The following PRKCH variants were observed in gnomAD, a reference collection of about 807,000 sequenced individuals.
PRKCH encodes the protein protein kinase C eta type.
PRKCH carries 28 observed loss-of-function variants against 82.5 expected under a neutral mutation model. The observed-to-expected ratio is 0.34, with a 90% CI of 0.25 to 0.47. The LOEUF (loss-of-function observed/expected upper bound fraction) is 0.47, where lower values mean the gene tolerates loss of function less well. Ranked by LOEUF, PRKCH falls within the 20% of genes least tolerant of loss-of-function variation. The pLI, the probability that PRKCH is intolerant of heterozygous loss-of-function variation, is 1.00. For synonymous variants in PRKCH, 322 were observed against 327.4 expected, an observed-to-expected ratio of 0.98 and a Z score of 0.18; for missense variants, 705 against 881.8, an observed-to-expected ratio of 0.80 and a Z score of 2.54.
At chr14:61,547,394 C>G (rs574340151) in intron 12 of PRKCH, among the ~76,000 whole-genome samples, 31 of 152,190 alleles carry the variant, frequency 2.0e-4, no homozygotes, top group African/African-American at 7.2e-4. Flanking sequence ...TGTCTGCTGC[C>G]CACAACTGCA....
intron 2 of PRKCH, among the ~76,000 whole-genome samples, chr14:61,435,454 G>T (rs1883631178): frequency 6.6e-6 from 1 of 152,236 alleles, no homozygotes; most frequent in African/African-American, 2.4e-5. Context: ...AGGCCGAGAA[G>T]AGGGTTCAGC....
chr14:61,245,892 T>A (rs2044875537), intron 1 of PRKCH, among the ~76,000 whole-genome samples: 1 of 152,224 alleles, frequency 6.6e-6, no homozygotes, highest in African/African-American at 2.4e-5. Context: ...AGTGAGCAGA[T>A]CTGGGAGGAT....
chr14:61,373,463 C>T (rs1039559060), intron 1 of PRKCH, among the ~76,000 whole-genome samples: 1 of 151,988 alleles, frequency 6.6e-6, no homozygotes, highest in Non-Finnish European at 1.5e-5. Flanking sequence ...CCAGCAGCCC[C>T]TCCCCTGACA....
intron 1 of PRKCH, among the ~76,000 whole-genome samples, chr14:61,374,848 T>C (rs1041144360): frequency 1.3e-5 from 2 of 152,098 alleles, no homozygotes; most frequent in Non-Finnish European, 2.9e-5. Flanking sequence ...TTATCTTGCC[T>C]ATTAACATTT....
rs527706053 is a variant in PRKCH, at chr14:61,394,301, G to T, written c.427+3013G>T. Among the ~76,000 whole-genome samples the T allele has an allele frequency of 1.8e-4, 27 of 152,104 alleles. 1 individual carries two copies. Among genetic ancestry groups the T allele is most frequent in the Admixed American group, 1.3e-4 (2 of 15,284 alleles). On this transcript the variant is annotated intron_variant, in intron 2 of 13. Transcript: ENST00000332981. ...AACTGTTCAGGTTACAATTTGGGGG[G>T]GTGTTCTGCCTGCTCCAAGGTCTTT...
Position 61,453,169 on chromosome 14 carries a change from GC to G in PRKCH, c.833-56del. ...TAGGCTATTAAAGTTCTCTGTTGCAGCACATGTTGAATTGGTTCCTTTCTGA... is the reference window on the plus strand; with the variant it reads ...TAGGCTATTAAAGTTCTCTGTTGCAGACATGTTGAATTGGTTCCTTTCTGA... On this transcript the variant is annotated intron_variant, in intron 6 of 13. Transcript: ENST00000332981. 1.9e-6 allele frequency: 3 copies of G among 1,602,898 alleles called. No individual in the cohort carries two copies. The South Asian group carries it at 3.3e-5, about 18-fold the overall frequency.
chr14:61,533,099 C>G (rs1311150027), intron 12 of PRKCH, among the ~76,000 whole-genome samples: 2 of 152,096 alleles, frequency 1.3e-5, no homozygotes, highest in African/African-American at 4.8e-5. Context: ...CTCTGTGCCT[C>G]TCTGAATCTC....
At chr14:61,532,801 G>A (rs1091678) in intron 12 of PRKCH, among the ~76,000 whole-genome samples, 80,126 of 152,066 alleles carry the variant, frequency 0.53, 25,806 homozygotes, top group Non-Finnish European at 0.71. Flanking sequence ...AAGGAGAATC[G>A]CATCCAGTGG....
intron 1 of PRKCH, among the ~76,000 whole-genome samples, chr14:61,220,612 C>T (rs572567710): frequency 6.6e-6 from 1 of 152,270 alleles, no homozygotes; most frequent in East Asian, 1.9e-4. Context: ...CTAGGATGGA[C>T]CAACTCCACA....
chr14:61,476,633 A>G (rs1262269591), intron 9 of PRKCH: 1 of 152,242 alleles, frequency 6.6e-6, no homozygotes, highest in Non-Finnish European at 1.5e-5. Context: ...AGAGATGGCT[A>G]TAATGCATCC....
chr14:61,315,607 A>G (rs2045556028), intron 1 of PRKCH, among the ~76,000 whole-genome samples: 1 of 152,182 alleles, frequency 6.6e-6, no homozygotes, highest in African/African-American at 2.4e-5. Context: ...GTCCTTTAAA[A>G]TAAGTACATT....
chr14:61,405,105 C>T (rs1305890870), intron 2 of PRKCH, among the ~76,000 whole-genome samples: 1 of 152,180 alleles, frequency 6.6e-6, no homozygotes, highest in African/African-American at 2.4e-5. Context: ...AATGCGGAAA[C>T]CATTCCAAAT....
At chr14:61,293,356 A>G (rs560792927) in intron 1 of PRKCH, among the ~76,000 whole-genome samples, 18 of 152,360 alleles carry the variant, frequency 1.2e-4, no homozygotes, top group Admixed American at 1.3e-4. Context: ...TGTGACAGCA[A>G]CAAAGTACAG....
intron 1 of PRKCH, among the ~76,000 whole-genome samples, chr14:61,381,215 A>T (rs1483590497): frequency 1.3e-5 from 2 of 152,308 alleles, no homozygotes; most frequent in South Asian, 4.1e-4. Context: ...AGTTGTGATC[A>T]TGGCCTGGGG....
intron 1 of PRKCH, among the ~76,000 whole-genome samples, chr14:61,245,022 T>G (rs1407540509): frequency 6.6e-6 from 1 of 152,350 alleles, no homozygotes; most frequent in Non-Finnish European, 1.5e-5. Flanking sequence ...TGTGGCTGTT[T>G]CTTAACCCTT....
At chr14:61,494,618 A>G (rs1037544415) in intron 10 of PRKCH, among the ~76,000 whole-genome samples, 2 of 152,222 alleles carry the variant, frequency 1.3e-5, no homozygotes, top group Non-Finnish European at 2.9e-5. Flanking sequence ...ATCAGATGGA[A>G]GTGGAAATGC....
At chr14:61,281,251 G>T in intron 1 of PRKCH, 1 of 666,424 alleles carries the variant, frequency 1.5e-6, no homozygotes, top group Non-Finnish European at 2.1e-6. Context: ...TCGCGGGTCG[G>T]GTTTCCCGCC....
chr14:61,419,996 C>A (rs1320991692), intron 2 of PRKCH, among the ~76,000 whole-genome samples: 2 of 152,140 alleles, frequency 1.3e-5, no homozygotes, highest in Admixed American at 1.3e-4. Context: ...CCTCACTGCA[C>A]AAAATACTCA....
At chr14:61,345,497 A>G (rs1389757158) in intron 1 of PRKCH, among the ~76,000 whole-genome samples, 3 of 152,232 alleles carry the variant, frequency 2.0e-5, no homozygotes, top group Non-Finnish European at 4.4e-5. Flanking sequence ...TGAACTGTGC[A>G]TTAACTTGTT....
Sources: allele counts gnomAD v4.1 joint callset (sites outside exome capture counted in the v4.1 genomes callset), GRCh38; gene constraint gnomAD v4.1.1; transcripts MANE v1.5; gene names NCBI Gene and HGNC (gene_info 2026-07-23, HGNC 2026-07-21).